Variants in LOXHD1 observed in about 807,000 individuals in gnomAD.
LOXHD1 encodes the protein lipoxygenase homology domain-containing protein 1.
Under a neutral mutation model 248.2 loss-of-function variants are expected in LOXHD1, and 205 were observed. That is an observed-to-expected ratio of 0.83 (90% CI 0.74 to 0.93). The LOEUF is 0.93. Among genes scored for constraint, LOXHD1 ranks in the 40% least tolerant of loss-of-function variants. The probability of loss-of-function intolerance (pLI) is 0.00; values close to 1 mark genes in which losing one functional copy is unlikely to be tolerated. For missense variants in LOXHD1, 2,930 were observed against 2,971.6 expected, an observed-to-expected ratio of 0.99 and a Z score of 0.33; for synonymous variants, 1,113 against 1,162.8, an observed-to-expected ratio of 0.96 and a Z score of 0.87.
intron 19 of LOXHD1, 35 bp downstream of exon 19, chr18:46,560,048 T>TGCCTGCCCCC (rs2144008770): frequency 3.2e-4 from 393 of 1,226,206 alleles, no homozygotes; most frequent in Non-Finnish European, 4.0e-4. Flanking sequence ...GTCTGGCCAC[T>TGCCTGCCCCC]CCCTCCCCAC....
intron 34 of LOXHD1, among the ~76,000 whole-genome samples, chr18:46,510,933 C>G (rs2034922833): frequency 1.3e-5 from 2 of 152,244 alleles, no homozygotes; most frequent in African/African-American, 4.8e-5. Context: ...ATGTCACACA[C>G]TGAGATTCTC....
chr18:46,640,030 A>G, intron 3 of LOXHD1, among the ~76,000 whole-genome samples: 1 of 152,186 alleles, frequency 6.6e-6, no homozygotes, highest in East Asian at 1.9e-4. Context: ...GGAAATATTA[A>G]CTATCGCCTT....
chr18:46,595,192 A>T (rs1387643401), intron 8 of LOXHD1, among the ~76,000 whole-genome samples: 2 of 152,218 alleles, frequency 1.3e-5, no homozygotes, highest in East Asian at 3.8e-4. Flanking sequence ...ACAAAAATTG[A>T]CTGTAACTTC....
chr18:46,652,850 A>AT (rs1432933025), intron 1 of LOXHD1, among the ~76,000 whole-genome samples: 1 of 152,248 alleles, frequency 6.6e-6, no homozygotes, highest in Non-Finnish European at 1.5e-5. Flanking sequence ...GTAATCAGCA[A>AT]TAAAAAAGAA....
chr18:46,626,986 A>G (rs755632973), intron 4 of LOXHD1, among the ~76,000 whole-genome samples: 1 of 152,172 alleles, frequency 6.6e-6, no homozygotes, highest in Non-Finnish European at 1.5e-5. Context: ...AAAATCAGCT[A>G]TTGTCATCTT....
chr18:46,506,682 T>C, intron 36 of LOXHD1, among the ~76,000 whole-genome samples: 1 of 152,156 alleles, frequency 6.6e-6, no homozygotes, highest in Middle Eastern at 3.2e-3. Context: ...AGAAAGGAGG[T>C]ACCCCCAACA....
At chr18:46,633,980 C>T (rs192858816) in intron 4 of LOXHD1, among the ~76,000 whole-genome samples, 6 of 152,260 alleles carry the variant, frequency 3.9e-5, no homozygotes, top group African/African-American at 1.4e-4. Flanking sequence ...AATTAGAACT[C>T]GTGTGCATTG....
At chr18:46,593,529 A>C in intron 10 of LOXHD1, 71 bp downstream of exon 10, 1 of 1,509,374 alleles carries the variant, frequency 6.6e-7, no homozygotes, top group Non-Finnish European at 8.9e-7. Flanking sequence ...TTAGAGAACC[A>C]GAATCCCCAG....
In LOXHD1 at chr18:46,559,986, C is replaced by T. The variant is rs147043011; in HGVS notation, c.3061+97G>A. 1,614 of 1,368,632 alleles carry T rather than the reference C, an allele frequency of 1.2e-3. 22 individuals carry two copies. The African/African-American group carries it at 0.019, about 16-fold the overall frequency. The allele number at this position is 1,368,632 out of a possible 1,614,324, so 84.8% of individuals were successfully genotyped here. A position where few individuals can be genotyped will look rare whatever the true frequency, so the allele number is the denominator to read the frequency against. The stretch of plus-strand genomic sequence containing the variant: ...TGGGTGCCCACCTATTTGGCCTCCA[C>T]GTGAGGGGGATCTAGGCCCCCTGCC... On this transcript the variant is annotated intron_variant, in intron 19 of 40. Coordinates refer to ENST00000642948, the MANE Select transcript of LOXHD1 (RefSeq NM_001384474.1).
chr18:46,538,198 C>A lies in LOXHD1; in HGVS notation c.4053G>T (p.Lys1351Asn). 1 of 1,540,170 alleles carries A rather than the reference C, an allele frequency of 6.5e-7. No homozygotes were observed. Among genetic ancestry groups the A allele is most frequent in the Non-Finnish European group, 8.8e-7 (1 of 1,137,128 alleles). Residue 1351 changes from lysine to asparagine, a missense_variant, in exon 26 of 41, where the codon AAG becomes AAT. Transcript: ENST00000642948. ...KYLCTNKREQ[K>N]QFFERKSASR... ...AGGCAGACTTCCTCTCAAAGAACTG[C>A]TTCTGTTCCCTCTTGTTGGTACACA... is the stretch of plus-strand genomic sequence containing the variant.
Position 46,520,566 on chromosome 18 carries a change from G to A in LOXHD1, c.5271+531C>T, listed in dbSNP as rs531497329. The A allele has an allele frequency of 1.0e-3, 309 of 305,200 alleles. 3 individuals carry two copies. Among genetic ancestry groups the A allele is most frequent in the African/African-American group, 5.9e-3 (267 of 44,978 alleles). The allele number at this position is 305,200 out of a possible 1,614,324, so 18.9% of individuals were successfully genotyped here. A position where few individuals can be genotyped will look rare whatever the true frequency, so the allele number is the denominator to read the frequency against. ...ACCAGTTAGAGATGGAGCCAGGACC[G>A]AAGCTCAGACCTCTTGCCCTCCAGG... On this transcript the variant is annotated intron_variant, in intron 33 of 40. Coordinates refer to ENST00000642948, the MANE Select transcript of LOXHD1 (RefSeq NM_001384474.1).
At chr18:46,478,137 C>G (rs150525579) in intron 40 of LOXHD1, among the ~76,000 whole-genome samples, 185 bp from the exon 41 acceptor site, 1 of 152,196 alleles carries the variant, frequency 6.6e-6, no homozygotes, top group Admixed American at 6.5e-5. Flanking sequence ...TCACCATGGA[C>G]GGGCATCTCC....
Position 46,657,121 on chromosome 18 carries a change from T to C in LOXHD1, c.-88A>G. ...AACCTGAGACCTCCTCCCTGAGCTC[T>C]GGCGCCCACGGCCCTCCTATAGCTC... On this transcript the variant is annotated 5_prime_UTR_variant, in exon 1 of 41. Transcript: ENST00000642948. The C allele has an allele frequency of 6.5e-7, 1 of 1,543,776 alleles. No individual in the cohort carries two copies. The highest frequency in any genetic ancestry group is 2.5e-5 in the East Asian group (1 of 40,782).
At chr18:46,533,040 T>C (rs2036143336) in intron 28 of LOXHD1, 122 bp downstream of exon 28, 7 of 1,019,976 alleles carry the variant, frequency 6.9e-6, no homozygotes, top group Non-Finnish European at 8.4e-6. Flanking sequence ...CTCTAGAGAG[T>C]GGAGGTAACA....
At chr18:46,592,434 T>C in intron 11 of LOXHD1, 64 bp downstream of exon 11, 1 of 1,345,214 alleles carries the variant, frequency 7.4e-7, no homozygotes, top group Non-Finnish European at 1.0e-6. Context: ...ACAGGGTCAT[T>C]GAAAAGGGAC....
At chr18:46,552,259 C>T (rs2037138191) in intron 21 of LOXHD1, among the ~76,000 whole-genome samples, 1 of 151,874 alleles carries the variant, frequency 6.6e-6, no homozygotes, top group African/African-American at 2.4e-5. Flanking sequence ...AGTAAAAAAA[C>T]AAAACAAAAC....
chr18:46,618,367 C>A, intron 4 of LOXHD1, 77 bp from the exon 5 acceptor site: 1 of 891,586 alleles, frequency 1.1e-6, no homozygotes. Context: ...GTAGCTACCA[C>A]ACCATCTACA....
intron 38 of LOXHD1, among the ~76,000 whole-genome samples, chr18:46,487,033 C>G (rs1484894664): frequency 6.6e-6 from 1 of 152,176 alleles, no homozygotes; most frequent in Non-Finnish European, 1.5e-5. Context: ...GAAAGAGGAT[C>G]AGGAACTTGA....
At chr18:46,624,320 G>A (rs2038709525) in intron 4 of LOXHD1, among the ~76,000 whole-genome samples, 1 of 152,338 alleles carries the variant, frequency 6.6e-6, no homozygotes, top group South Asian at 2.1e-4. Flanking sequence ...GAGATTCAGC[G>A]GGGGCTGCCC....
Sources: allele counts gnomAD v4.1 joint callset (sites outside exome capture counted in the v4.1 genomes callset), GRCh38; gene constraint gnomAD v4.1.1; transcripts MANE v1.5; gene names NCBI Gene and HGNC (gene_info 2026-07-23, HGNC 2026-07-21).